GRID2: variants seen among roughly 807,000 people sequenced by gnomAD.
The protein encoded by GRID2 is glutamate ionotropic receptor delta type subunit 2, also known as glutamate receptor ionotropic, delta-2.
Under a neutral mutation model 114.8 loss-of-function variants are expected in GRID2, and 33 were observed. The ratio of observed to expected loss-of-function variants is 0.29; its 90% CI spans 0.22 to 0.38. The LOEUF (loss-of-function observed/expected upper bound fraction) is 0.38. Ranked by LOEUF, GRID2 falls within the 10% of genes least tolerant of loss-of-function variation. The pLI, the probability that GRID2 is intolerant of heterozygous loss-of-function variation, is 1.00. For missense variants in GRID2, 1,184 were observed against 1,257.7 expected, an observed-to-expected ratio of 0.94 and a Z score of 0.89; for synonymous variants, 505 against 449.9, an observed-to-expected ratio of 1.12 and a Z score of -1.55.
At chr4:93,300,880 A>G (rs1057184253) in intron 8 of GRID2, among the ~76,000 whole-genome samples, 4 of 152,220 alleles carry the variant, frequency 2.6e-5, no homozygotes, top group Non-Finnish European at 2.9e-5. Flanking sequence ...GGCTGCATGC[A>G]CCGGTGGTCA....
intron 7 of GRID2, among the ~76,000 whole-genome samples, chr4:93,235,457 C>T (rs766179276): frequency 6.6e-6 from 1 of 151,950 alleles, no homozygotes; most frequent in Non-Finnish European, 1.5e-5. Context: ...CACATTTTCA[C>T]CAAGGCTCTG....
At chr4:92,495,152 A>T (rs1427013961) in intron 1 of GRID2, among the ~76,000 whole-genome samples, 1 of 151,994 alleles carries the variant, frequency 6.6e-6, no homozygotes, top group East Asian at 1.9e-4. Flanking sequence ...CTCACGAGAG[A>T]GTGTCTAGAT....
chr4:93,287,524 C>G (rs1299983091), intron 8 of GRID2, among the ~76,000 whole-genome samples: 5 of 152,014 alleles, frequency 3.3e-5, no homozygotes, highest in African/African-American at 4.8e-5. Context: ...AGAGAAGAGA[C>G]TATGTCTTCG....
intron 2 of GRID2, among the ~76,000 whole-genome samples, chr4:92,600,036 GTGTGTGTGTATATATA>G (rs1481370589): frequency 1.3e-5 from 1 of 76,814 alleles, no homozygotes; most frequent in Non-Finnish European, 2.6e-5. Context: ...GTGTGTGTGT[GTGTGTGTGTATATATA>G]TATATATATA....
intron 14 of GRID2, among the ~76,000 whole-genome samples, chr4:93,710,775 G>A (rs1218635863): frequency 6.6e-6 from 1 of 152,134 alleles, no homozygotes; most frequent in Non-Finnish European, 1.5e-5. Context: ...TACTGTGGCT[G>A]AGCTGGTACC....
At chr4:92,706,474 T>A (rs183541343) in intron 2 of GRID2, among the ~76,000 whole-genome samples, 1 of 152,002 alleles carries the variant, frequency 6.6e-6, no homozygotes, top group South Asian at 2.1e-4. Context: ...TATCCAAATG[T>A]ATGAGTCACA....
intron 2 of GRID2, among the ~76,000 whole-genome samples, chr4:92,868,634 T>G (rs149983088): frequency 6.6e-6 from 1 of 152,112 alleles, no homozygotes; most frequent in Non-Finnish European, 1.5e-5. Context: ...TTTATAGTAG[T>G]TTGTATTATG....
At chr4:92,727,882 A>G (rs1703453670) in intron 2 of GRID2, among the ~76,000 whole-genome samples, 4 of 152,130 alleles carry the variant, frequency 2.6e-5, no homozygotes, top group Admixed American at 2.6e-4. Context: ...ATATGAACCC[A>G]GAGCTATATG....
intron 1 of GRID2, among the ~76,000 whole-genome samples, chr4:92,582,577 TA>T (rs1318667382): frequency 6.6e-6 from 1 of 151,904 alleles, no homozygotes; most frequent in Non-Finnish European, 1.5e-5. Context: ...AGAAATTTTA[TA>T]AAAATATGCC....
At chr4:93,016,985 T>G (rs1434950116) in intron 2 of GRID2, among the ~76,000 whole-genome samples, 1 of 152,188 alleles carries the variant, frequency 6.6e-6, no homozygotes, top group Non-Finnish European at 1.5e-5. Context: ...ACAGAAAAGA[T>G]GAATTCATGT....
chr4:92,713,505 ATATATATATATATT>A lies in GRID2; in HGVS notation c.244+123220_244+123233del, dbSNP rs1735376907. ...TATATATATATATATATATATATAT[ATATATATATATATT>A]ACCAAAATTAGGTCTTGGATAGTGT... On this transcript the variant is annotated intron_variant, in intron 2 of 15. Coordinates refer to ENST00000282020, the MANE Select transcript of GRID2 (RefSeq NM_001510.4). 4.5e-5 allele frequency among the ~76,000 whole-genome samples: 6 copies of A among 132,862 alleles called. No individual in the cohort carries two copies. The South Asian group carries it at 1.2e-3, about 26-fold the overall frequency. 87.2% of individuals were successfully genotyped at this position (132,862 alleles called of 152,430 possible).
intron 8 of GRID2, among the ~76,000 whole-genome samples, chr4:93,301,714 C>A (rs563460654): frequency 2.0e-5 from 3 of 152,096 alleles, no homozygotes; most frequent in Non-Finnish European, 2.9e-5. Context: ...TCAGTGCTTA[C>A]GATATCAGCA....
At chr4:92,640,098 CAAAT>C (rs373791317) in intron 2 of GRID2, among the ~76,000 whole-genome samples, 43 of 151,740 alleles carry the variant, frequency 2.8e-4, no homozygotes, top group East Asian at 1.8e-3. Context: ...GCATAATCCT[CAAAT>C]AAAATTAGCT....
intron 5 of GRID2, among the ~76,000 whole-genome samples, chr4:93,211,984 A>G (rs1053234866): frequency 6.6e-6 from 1 of 152,120 alleles, no homozygotes; most frequent in South Asian, 2.1e-4. Context: ...TTTTTCTTGC[A>G]CACTTTTCAT....
At chr4:93,612,963 T>C (rs1038996920) in intron 13 of GRID2, among the ~76,000 whole-genome samples, 1 of 147,068 alleles carries the variant, frequency 6.8e-6, no homozygotes. Flanking sequence ...CAGACGTAGA[T>C]TTGGTCTTTT....
intron 1 of GRID2, among the ~76,000 whole-genome samples, chr4:92,507,784 G>C (rs1018998052): frequency 3.0e-4 from 46 of 151,808 alleles, no homozygotes; most frequent in Non-Finnish European, 6.0e-4. Flanking sequence ...TGGAATGTGA[G>C]TCTCAGGTTT....
At chr4:93,192,058 A>G (rs1042051367) in intron 4 of GRID2, among the ~76,000 whole-genome samples, 7 of 152,094 alleles carry the variant, frequency 4.6e-5, no homozygotes, top group African/African-American at 1.4e-4. Context: ...ATAATGTTCC[A>G]TTTTATTTTC....
chr4:93,152,663 G>A (rs13105963), intron 4 of GRID2, among the ~76,000 whole-genome samples: 186 of 152,192 alleles, frequency 1.2e-3, no homozygotes, highest in Non-Finnish European at 2.2e-3. Context: ...GTCATGAGCC[G>A]TGATAGTAAC....
chr4:93,722,391 T>G (rs969296920), intron 14 of GRID2, among the ~76,000 whole-genome samples: 1 of 152,148 alleles, frequency 6.6e-6, no homozygotes, highest in African/African-American at 2.4e-5. Context: ...ACCAGGAACT[T>G]TAACACAAAT....
Sources: allele counts gnomAD v4.1 joint callset (sites outside exome capture counted in the v4.1 genomes callset), GRCh38; gene constraint gnomAD v4.1.1; transcripts MANE v1.5; gene names NCBI Gene and HGNC (gene_info 2026-07-23, HGNC 2026-07-21).